Variants in HSD17B4 observed in about 807,000 individuals in gnomAD.
HSD17B4 encodes the protein hydroxysteroid 17-beta dehydrogenase 4, also known as peroxisomal multifunctional enzyme type 2.
In HSD17B4, 70 loss-of-function variants were observed where a neutral mutation model predicts 101.0. The ratio of observed to expected loss-of-function variants is 0.69; its 90% CI spans 0.57 to 0.85. The LOEUF (loss-of-function observed/expected upper bound fraction) is 0.85. HSD17B4 is among the 40% of genes least tolerant of loss of function. The pLI is 0.00. For synonymous variants in HSD17B4, 347 were observed against 297.1 expected, an observed-to-expected ratio of 1.17 and a Z score of -1.73; for missense variants, 984 against 892.4, an observed-to-expected ratio of 1.10 and a Z score of -1.31.
intron 16 of HSD17B4, among the ~76,000 whole-genome samples, chr5:119,511,086 C>G (rs994512884): frequency 1.3e-5 from 2 of 152,182 alleles, no homozygotes; most frequent in Admixed American, 6.5e-5. Flanking sequence ...GCTACTACAC[C>G]TGCCCTGCTT....
At chr5:119,507,247 T>C (rs540395522) in intron 15 of HSD17B4, among the ~76,000 whole-genome samples, 36 of 152,298 alleles carry the variant, frequency 2.4e-4, no homozygotes, top group African/African-American at 8.4e-4. Flanking sequence ...TAGGCTGTGT[T>C]TTAGGTATTC....
chr5:119,499,987 G>C (rs560440950), intron 13 of HSD17B4, among the ~76,000 whole-genome samples: 1 of 152,288 alleles, frequency 6.6e-6, no homozygotes, highest in East Asian at 1.9e-4. Flanking sequence ...AATAGGGCCA[G>C]CATAGCTGTA....
rs1750353180 is a variant in HSD17B4 at position 119,493,903 on chromosome 5, G to T, written c.825G>T (p.Lys275Asn). The T allele has an allele frequency of 1.2e-6, 2 of 1,613,268 alleles. No individual in the cohort carries two copies. Among genetic ancestry groups the T allele is most frequent in the Non-Finnish European group, 8.5e-7 (1 of 1,179,528 alleles). ...AGGCAGTCAAGGCTAACTGGAAGAA[G>T]ATCTGTGACTTTGAGAATGCCAGCA... ...TPEAVKANWK[K>N]ICDFENASKP... The change falls in exon 11 of 24, where the codon AAG becomes AAT. Residue 275 changes from lysine to asparagine, a missense_variant. Lys to Asn is a moderately conservative substitution (Grantham distance 94). Transcript: ENST00000510025.
At chr5:119,493,782 A>G (rs1375793782) in intron 10 of HSD17B4, 36 bp from the exon 11 acceptor site, 8 of 1,600,960 alleles carry the variant, frequency 5.0e-6, no homozygotes, top group South Asian at 1.1e-5. Flanking sequence ...TCTCTCAACT[A>G]TGTGCTCAGT....
At chr5:119,471,551 A>C in intron 2 of HSD17B4, 1 of 542,468 alleles carries the variant, frequency 1.8e-6, no homozygotes, top group Non-Finnish European at 2.9e-6. Context: ...ATCTTGTTTA[A>C]AAAAAATTGT....
At chr5:119,521,170 A>G (rs1225875899) in intron 17 of HSD17B4, among the ~76,000 whole-genome samples, 3 of 152,152 alleles carry the variant, frequency 2.0e-5, no homozygotes, top group Admixed American at 6.5e-5. Flanking sequence ...AAGGGACAGC[A>G]TTGTTGGATA....
intron 23 of HSD17B4, 60 bp from the exon 24 acceptor site, chr5:119,541,845 A>G (rs1157879369): frequency 1.9e-6 from 2 of 1,064,916 alleles, no homozygotes; most frequent in East Asian, 4.9e-5. Flanking sequence ...AAAAAAAAAA[A>G]AAAGAAATAA....
Position 119,477,505 on chromosome 5 carries a change from G to A in HSD17B4, c.434+4G>A. ...TGAAGAAACAGAAGTATGGAAGGTA[G>A]AGTTGCATGTGGTTGTCAAGGGGGA... On this transcript the variant is annotated splice_donor_region_variant and intron_variant, in intron 7 of 23. Coordinates refer to ENST00000510025, the MANE Select transcript of HSD17B4 (RefSeq NM_000414.4). The A allele has an allele frequency of 6.2e-7, 1 of 1,604,692 alleles. No individual in the cohort carries two copies. The highest frequency in any genetic ancestry group is 1.1e-5 in the South Asian group (1 of 90,890).
intron 17 of HSD17B4, 73 bp from the exon 18 acceptor site, chr5:119,525,143 A>G (rs1753465000): frequency 1.0e-6 from 1 of 973,796 alleles, no homozygotes; most frequent in Non-Finnish European, 1.7e-6. Context: ...ATAACCAGCC[A>G]TGTTTCCTAT....
At chr5:119,484,756 C>G (rs73790873) in intron 8 of HSD17B4, among the ~76,000 whole-genome samples, 132 of 152,230 alleles carry the variant, frequency 8.7e-4, no homozygotes, top group African/African-American at 2.8e-3. Context: ...TACAGCAGTA[C>G]TTTGCAGTCT....
At chr5:119,455,227 C>T (rs1754491381) in intron 1 of HSD17B4, among the ~76,000 whole-genome samples, 1 of 152,162 alleles carries the variant, frequency 6.6e-6, no homozygotes, top group East Asian at 1.9e-4. Context: ...TATAAAACTT[C>T]TCTCTTGGCT....
At position 119,493,942 on chromosome 5, in the gene HSD17B4, C is replaced by G; in HGVS notation, c.864C>G (p.Ile288Met). The change falls in exon 11 of 24, where the codon ATC (isoleucine) becomes ATG (methionine). Residue 288 changes from isoleucine to methionine, a missense_variant. Transcript: ENST00000510025. ...DFENASKPQS[I>M]QESTGSIIEV... ...AGAATGCCAGCAAGCCTCAGAGTATCCAAGGTAAAGAGAGTCCCCGTCACT... is the reference window on the plus strand; with the variant it reads ...AGAATGCCAGCAAGCCTCAGAGTATGCAAGGTAAAGAGAGTCCCCGTCACT... 2.5e-6 allele frequency: 4 copies of G among 1,613,048 alleles called. No individual in the cohort carries two copies. Among genetic ancestry groups the G allele is most frequent in the Non-Finnish European group, 3.4e-6 (4 of 1,179,306 alleles).
At chr5:119,493,608 C>T in intron 10 of HSD17B4, 1 of 506,750 alleles carries the variant, frequency 2.0e-6, no homozygotes, top group South Asian at 2.1e-5. Flanking sequence ...AAATTTTTCC[C>T]TTCAGCTTCA....
rs75887820 is a variant in HSD17B4 at position 119,471,348 on chromosome 5, A to G, written c.113-2560A>G. ...TCAGTAAGACTTATCATATTATACT[A>G]TCAAAAAAAAATCTCAGTCCACATT... On this transcript the variant is annotated intron_variant, in intron 2 of 23. Coordinates refer to ENST00000510025, the MANE Select transcript of HSD17B4 (RefSeq NM_000414.4). Among the ~76,000 whole-genome samples, 150 of 152,246 alleles carry G rather than the reference A, an allele frequency of 9.9e-4. 5 individuals carry two copies. In the East Asian group the frequency reaches 0.024, roughly 24 times the overall value.
rs1753473221 is a variant in HSD17B4 at position 119,525,216 on chromosome 5, G to C, written c.1504G>C (p.Ala502Pro). The change falls in exon 18 of 24, where the codon GCT (alanine) becomes CCT (proline). Residue 502 changes from alanine to proline, a missense_variant and splice_region_variant. Ala to Pro is a conservative substitution (Grantham distance 27). Coordinates refer to ENST00000510025, the MANE Select transcript of HSD17B4 (RefSeq NM_000414.4). Reference sequence around the variant, plus strand: ...AGTTATGTTTATGCTTTCTCCACAGGCTGCTTTGTACCGCCTCAGTGGAGA... The same window carrying C: ...AGTTATGTTTATGCTTTCTCCACAGCCTGCTTTGTACCGCCTCAGTGGAGA... ...VLTDTTSLNQ[A>P]ALYRLSGDWN... The C allele has an allele frequency of 6.2e-7, 1 of 1,608,500 alleles. No individual in the cohort carries two copies. The highest frequency in any genetic ancestry group is 8.5e-7 in the Non-Finnish European group (1 of 1,175,480).
At chr5:119,509,970 G>A (rs1030297068) in intron 16 of HSD17B4, among the ~76,000 whole-genome samples, 2 of 152,186 alleles carry the variant, frequency 1.3e-5, no homozygotes, top group Non-Finnish European at 2.9e-5. Context: ...GGAGTCAAAA[G>A]TTATACGTGA....
chr5:119,514,676 T>G (rs1283051666), intron 16 of HSD17B4, among the ~76,000 whole-genome samples: 1 of 152,196 alleles, frequency 6.6e-6, no homozygotes, highest in Non-Finnish European at 1.5e-5. Flanking sequence ...TTGTAGTTGT[T>G]TTCATCTTTT....
chr5:119,495,307 A>C (rs1750529742), intron 11 of HSD17B4, among the ~76,000 whole-genome samples: 1 of 152,226 alleles, frequency 6.6e-6, no homozygotes, highest in South Asian at 2.1e-4. Flanking sequence ...AAACTTATTA[A>C]AAAGCTATCT....
At chr5:119,480,977 C>G (rs1042032828) in intron 8 of HSD17B4, among the ~76,000 whole-genome samples, 3 of 152,142 alleles carry the variant, frequency 2.0e-5, no homozygotes, top group Non-Finnish European at 4.4e-5. Context: ...TCTTATTCCC[C>G]GAACAATTGC....
Sources: gnomAD v4.1 joint callset for allele counts (sites outside exome capture counted in the v4.1 genomes callset) on GRCh38, gnomAD v4.1.1 for gene constraint, MANE v1.5 for transcripts, NCBI Gene and HGNC (gene_info 2026-07-23, HGNC 2026-07-21) for gene names.